Variants in PFKL observed in about 807,000 individuals in gnomAD.
The protein encoded by PFKL is phosphofructokinase, liver type, also known as ATP-dependent 6-phosphofructokinase, liver type.
Under a neutral mutation model 92.1 loss-of-function variants are expected in PFKL, and 74 were observed. The observed-to-expected ratio is 0.80, with a 90% CI of 0.67 to 0.97. The LOEUF is 0.97. PFKL is among the 50% of genes least tolerant of loss of function. PFKL has a pLI of 0.00. For synonymous variants in PFKL, 494 were observed against 456.4 expected (o/e 1.08, Z -1.05); for missense variants, 1,028 against 1,116.6 (o/e 0.92, Z 1.13).
At chr21:44,308,241 T>C (rs1321565529) in intron 2 of PFKL, among the ~76,000 whole-genome samples, 1 of 152,198 alleles carries the variant, frequency 6.6e-6, no homozygotes, top group Non-Finnish European at 1.5e-5. Context: ...CTTGGGATGC[T>C]GTGTGCTGCT....
Position 44,305,926 on chromosome 21 carries a change from A to G in PFKL, c.86-755A>G, listed in dbSNP as rs1328321988. 5.1e-6 allele frequency: 7 copies of G among 1,362,056 alleles called. 1 individual carries two copies. In the South Asian group the frequency reaches 6.9e-5, roughly 13 times the overall value. The allele number at this position is 1,362,056 out of a possible 1,614,324, so 84.4% of individuals were successfully genotyped here. A position where few individuals can be genotyped will look rare whatever the true frequency, so the allele number is the denominator to read the frequency against. ...GCCTGGTGGCACCAGCATCATGTCC[A>G]GGCTGGGGGGTGAGGGTCCCTGAGG... is the stretch of plus-strand genomic sequence containing the variant. On this transcript the variant is annotated intron_variant, in intron 1 of 21. Coordinates refer to ENST00000349048, the MANE Select transcript of PFKL (RefSeq NM_002626.6).
chr21:44,325,437 C>T (rs2047479106), intron 19 of PFKL, 173 bp downstream of exon 19: 1 of 597,562 alleles, frequency 1.7e-6, no homozygotes, highest in Admixed American at 2.9e-5. Context: ...GGTGAGGTCT[C>T]ATTTCAAGAA....
At chr21:44,312,393 G>A in intron 4 of PFKL, 99 bp downstream of exon 4, 1 of 1,169,172 alleles carries the variant, frequency 8.6e-7, no homozygotes, top group South Asian at 1.6e-5. Context: ...GGATCCCTGG[G>A]TGCCCCGAGG....
chr21:44,320,600 A>T (rs1049903963), intron 12 of PFKL: 1 of 155,712 alleles, frequency 6.4e-6, no homozygotes, highest in East Asian at 1.9e-4. Flanking sequence ...GTGGTGGCAC[A>T]TGCCTGTAAT....
At chr21:44,319,772 G>T (rs1353166716) in intron 11 of PFKL, 2 of 523,576 alleles carry the variant, frequency 3.8e-6, no homozygotes, top group South Asian at 2.3e-5. Flanking sequence ...TGGCGGCCGG[G>T]TCAGGCTGGA....
chr21:44,320,025 T>C, intron 11 of PFKL, 59 bp from the exon 12 acceptor site: 1 of 1,487,628 alleles, frequency 6.7e-7, no homozygotes, highest in Admixed American at 1.7e-5. Context: ...ACGGCTGCGC[T>C]GTGGCTGTAC....
At chr21:44,311,491 TAC>T (rs1225901413) in intron 3 of PFKL, among the ~76,000 whole-genome samples, 9 of 152,100 alleles carry the variant, frequency 5.9e-5, no homozygotes, top group Admixed American at 3.3e-4. Context: ...CGCACACAGG[TAC>T]ACAGATACAG....
chr21:44,311,790 G>A (rs2847229), intron 3 of PFKL, among the ~76,000 whole-genome samples: 75,803 of 152,050 alleles, frequency 0.5, 20,211 homozygotes, highest in Non-Finnish European at 0.61. Flanking sequence ...GTGTGTGCAC[G>A]TGTGCACGCA....
At chr21:44,318,215 C>T (rs140946261) in intron 9 of PFKL, among the ~76,000 whole-genome samples, 3,377 of 152,322 alleles carry the variant, frequency 0.022, 67 homozygotes, top group Non-Finnish European at 0.035. Flanking sequence ...GGGTGGGTCG[C>T]ATTGCATGGC....
rs989443251 is a variant in PFKL, at chr21:44,325,827, G to A, written c.1990-134G>A. ...CCTCGATCGGGAACAGACGGGAACG[G>A]TGCACGGGTTGGAAGGAATGGGTGT... On this transcript the variant is annotated intron_variant, in intron 19 of 21. Transcript: ENST00000349048. The A allele has an allele frequency of 1.6e-5, 10 of 643,406 alleles. No homozygotes were observed. In the Admixed American group the frequency reaches 2.7e-4, roughly 17 times the overall value. The allele number at this position is 643,406 out of a possible 1,614,324, so 39.9% of individuals were successfully genotyped here.
rs1390802993 is a variant in PFKL, at chr21:44,314,497, G to A, written c.747+476G>A. On this transcript the variant is annotated intron_variant, in intron 7 of 21. Transcript: ENST00000349048. ...GGGTTCTAGGCTGGAAAGATGTGTC[G>A]GAACGTGGCTGTAGCCACAGGGTGG... 6 of 156,478 alleles carry A rather than the reference G, an allele frequency of 3.8e-5. No homozygotes were observed. In the South Asian group the frequency reaches 5.8e-4, roughly 15 times the overall value. The allele number at this position is 156,478 out of a possible 1,614,324, so 9.7% of individuals were successfully genotyped here.
chr21:44,313,720 T>G (rs1176159718), intron 6 of PFKL, 38 bp downstream of exon 6: 3 of 1,593,282 alleles, frequency 1.9e-6, no homozygotes, highest in Non-Finnish European at 2.6e-6. Flanking sequence ...GTGGCCCGGG[T>G]GCTGCTGGGG....
In PFKL at chr21:44,323,052, G is replaced by A; in HGVS notation, c.1497+3G>A. 6.2e-7 allele frequency: 1 copy of A among 1,607,640 alleles called. No individual in the cohort carries two copies. Among genetic ancestry groups the A allele is most frequent in the South Asian group, 1.1e-5 (1 of 90,832 alleles). ...TGCTGGTGGTCGGTGGGTTTGAGGTGAGAGCTGCCCACGGACGAAAAAGCC... is the reference window on the plus strand; with the variant it reads ...TGCTGGTGGTCGGTGGGTTTGAGGTAAGAGCTGCCCACGGACGAAAAAGCC... On this transcript the variant is annotated splice_donor_region_variant and intron_variant, in intron 15 of 21. Coordinates refer to ENST00000349048, the MANE Select transcript of PFKL (RefSeq NM_002626.6).
In PFKL at chr21:44,305,805, T is replaced by C. The variant is rs745483570; in HGVS notation, c.86-876T>C. On this transcript the variant is annotated intron_variant, in intron 1 of 21. Coordinates refer to ENST00000349048, the MANE Select transcript of PFKL (RefSeq NM_002626.6). ...CCGTTAATGTCCCTCTCCAGGAAAC[T>C]GGCTTTGCCAAGGCCCCCGCTGGGA... 4.4e-6 allele frequency: 6 copies of C among 1,366,886 alleles called. No homozygotes were observed. In the South Asian group the frequency reaches 6.8e-5, roughly 16 times the overall value. 84.7% of individuals were successfully genotyped at this position (1,366,886 alleles called of 1,614,324 possible).
chr21:44,326,295 G>A, intron 21 of PFKL, 31 bp downstream of exon 21: 1 of 1,515,742 alleles, frequency 6.6e-7, no homozygotes, highest in African/African-American at 1.4e-5. Context: ...GTGGAGGCGG[G>A]TGGGGCTGAG....
chr21:44,324,483 T>C lies in PFKL; in HGVS notation c.1651-8T>C, dbSNP rs1397550669. ...GTGGAGGACCCCCGACCCCCCCTTG[T>C]CCCCCAGAGCTGTGACCGCATCAAA... On this transcript the variant is annotated splice_region_variant and splice_polypyrimidine_tract_variant and intron_variant, in intron 16 of 21. Coordinates refer to ENST00000349048, the MANE Select transcript of PFKL (RefSeq NM_002626.6). 6.2e-7 allele frequency: 1 copy of C among 1,612,462 alleles called. No homozygotes were observed. Among genetic ancestry groups the C allele is most frequent in the Non-Finnish European group, 8.5e-7 (1 of 1,179,594 alleles).
intron 2 of PFKL, among the ~76,000 whole-genome samples, 196 bp from the exon 3 acceptor site, chr21:44,310,810 G>C (rs534244199): frequency 6.6e-6 from 1 of 152,150 alleles, no homozygotes; most frequent in South Asian, 2.1e-4. Flanking sequence ...GGACTCACCA[G>C]CTGTGCAGAG....
chr21:44,321,639 T>A, intron 12 of PFKL, 90 bp from the exon 13 acceptor site: 1 of 1,374,446 alleles, frequency 7.3e-7, no homozygotes, highest in Non-Finnish European at 9.6e-7. Flanking sequence ...GGCCCCTTTT[T>A]CCAGAACCTG....
At position 44,311,021 on chromosome 21, in the gene PFKL, G is replaced by T. The variant is rs150271960; in HGVS notation, c.175G>T (p.Val59Leu). ...TTGATTTCAGGGCTATGAGGGCCTC[G>T]TGGAGGGAGGTGAGAACATCAAGCA... is the stretch of plus-strand genomic sequence containing the variant. ...FLIYEGYEGL[V>L]EGGENIKQAN... Residue 59 changes from valine (V) to leucine (L), a missense_variant, in exon 3 of 22, where the codon GTG (valine) becomes TTG (leucine). By Grantham distance (32) the Val-to-Leu change is conservative. Coordinates refer to ENST00000349048, the MANE Select transcript of PFKL (RefSeq NM_002626.6). The T allele has an allele frequency of 1.2e-5, 20 of 1,612,964 alleles. No individual in the cohort carries two copies. In the South Asian group the frequency reaches 1.6e-4, roughly 13 times the overall value.
Sources: gnomAD v4.1 joint callset for allele counts (sites outside exome capture counted in the v4.1 genomes callset) on GRCh38, gnomAD v4.1.1 for gene constraint, MANE v1.5 for transcripts, NCBI Gene and HGNC (gene_info 2026-07-23, HGNC 2026-07-21) for gene names.